The following KLHL2 variants were observed in gnomAD, a reference collection of about 807,000 sequenced individuals.
KLHL2 encodes the protein kelch like family member 2.
KLHL2 carries 15 observed loss-of-function variants against 75.8 expected under a neutral mutation model. That is an observed-to-expected ratio of 0.20 (90% CI 0.13 to 0.30). The LOEUF (loss-of-function observed/expected upper bound fraction) is 0.30, where lower values mean the gene tolerates loss of function less well. Among genes scored for constraint, KLHL2 ranks in the 10% least tolerant of loss-of-function variants. The pLI is 1.00. For missense variants in KLHL2, 381 were observed against 741.0 expected, an observed-to-expected ratio of 0.51 and a Z score of 5.64; for synonymous variants, 214 against 251.9, an observed-to-expected ratio of 0.85 and a Z score of 1.42.
intron 8 of KLHL2, among the ~76,000 whole-genome samples, chr4:165,303,505 C>T (rs1021334522): frequency 1.3e-5 from 2 of 149,532 alleles, no homozygotes; most frequent in East Asian, 1.9e-4. Flanking sequence ...CCCCCCCCGC[C>T]GTTTTTGGGT....
intron 4 of KLHL2, among the ~76,000 whole-genome samples, chr4:165,262,287 C>T (rs1385305772): frequency 6.6e-6 from 1 of 152,140 alleles, no homozygotes; most frequent in Non-Finnish European, 1.5e-5. Context: ...ATTACATTTT[C>T]CTTGTTAGCA....
intron 8 of KLHL2, among the ~76,000 whole-genome samples, chr4:165,301,257 G>T (rs1579159020): frequency 6.6e-6 from 1 of 152,202 alleles, no homozygotes; most frequent in East Asian, 1.9e-4. Context: ...CTTCTGCATG[G>T]TATTTTATTG....
At chr4:165,286,328 A>T (rs1199501699) in intron 5 of KLHL2, among the ~76,000 whole-genome samples, 1 of 152,194 alleles carries the variant, frequency 6.6e-6, no homozygotes, top group Non-Finnish European at 1.5e-5. Flanking sequence ...ACTAACAGAC[A>T]GCTAGAAATT....
chr4:165,262,555 A>T (rs543491613), intron 4 of KLHL2, among the ~76,000 whole-genome samples: 50 of 152,220 alleles, frequency 3.3e-4, no homozygotes, highest in African/African-American at 1.2e-3. Flanking sequence ...TAGCATCCTA[A>T]TAATTTACGG....
rs754972410 is a variant in KLHL2, at chr4:165,263,235, T to C, written c.420T>C (p.Asp140=). 2 of 1,614,072 alleles carry C rather than the reference T, an allele frequency of 1.2e-6. No homozygotes were observed. Among genetic ancestry groups the C allele is most frequent in the South Asian group, 2.2e-5 (2 of 91,088 alleles). ...LPAAGLLQLQ[D]VKKTCCEFLE... ...CAGCTGGTCTCTTACAGTTACAGGA[T>C]GTGAAGAAGACTTGTTGTGAATTTT... is the stretch of plus-strand genomic sequence containing the variant. The change falls in exon 5 of 15, where the codon GAT becomes GAC. Residue 140 remains aspartate (D), a synonymous_variant. Transcript: ENST00000226725.
At chr4:165,264,037 G>C (rs1741942831) in intron 5 of KLHL2, among the ~76,000 whole-genome samples, 1 of 151,900 alleles carries the variant, frequency 6.6e-6, no homozygotes, top group African/African-American at 2.4e-5. Flanking sequence ...CTGCTCTTCA[G>C]GCCCTTCAGA....
intron 2 of KLHL2, among the ~76,000 whole-genome samples, chr4:165,224,547 T>A (rs1738277877): frequency 6.6e-6 from 1 of 152,220 alleles, no homozygotes; most frequent in African/African-American, 2.4e-5. Context: ...ATTGTGTTTT[T>A]CCTCCAGGAT....
At chr4:165,311,002 C>T (rs1464858977) in intron 10 of KLHL2, among the ~76,000 whole-genome samples, 1 of 151,794 alleles carries the variant, frequency 6.6e-6, no homozygotes, top group Non-Finnish European at 1.5e-5. Flanking sequence ...CTATAGGTGC[C>T]CGCCACCACG....
chr4:165,233,255 G>A (rs967144014), intron 3 of KLHL2, among the ~76,000 whole-genome samples: 23 of 152,306 alleles, frequency 1.5e-4, no homozygotes, highest in Admixed American at 1.1e-3. Flanking sequence ...TTAGAGCAAG[G>A]CCAAGTTGTT....
intron 5 of KLHL2, among the ~76,000 whole-genome samples, chr4:165,282,635 A>G (rs1178909049): frequency 6.6e-6 from 1 of 152,018 alleles, no homozygotes; most frequent in Non-Finnish European, 1.5e-5. Context: ...GTTGAAGGAC[A>G]TAGGACTGTA....
At position 165,278,486 on chromosome 4, in the gene KLHL2, G is replaced by A. The variant is rs140782973; in HGVS notation, c.544+15127G>A. 5.2e-4 allele frequency: 824 copies of A among 1,592,338 alleles called. 6 individuals are homozygous for A. The African/African-American group carries it at 9.9e-3, about 19-fold the overall frequency. ...AGCAAAAGCAATATGGCATTTATTCGTGAATTGAGTGAGTCCACAGATTAT... is the reference window on the plus strand; with the variant it reads ...AGCAAAAGCAATATGGCATTTATTCATGAATTGAGTGAGTCCACAGATTAT... On this transcript the variant is annotated intron_variant, in intron 5 of 14. Coordinates refer to ENST00000226725, the MANE Select transcript of KLHL2 (RefSeq NM_007246.4).
intron 2 of KLHL2, among the ~76,000 whole-genome samples, chr4:165,224,952 A>G (rs534372043): frequency 6.6e-6 from 1 of 152,212 alleles, no homozygotes; most frequent in Non-Finnish European, 1.5e-5. Context: ...GAAGATAGAC[A>G]CCGTGCATTT....
chr4:165,273,345 A>G (rs990538174), intron 5 of KLHL2, among the ~76,000 whole-genome samples: 1 of 152,234 alleles, frequency 6.6e-6, no homozygotes, highest in Non-Finnish European at 1.5e-5. Context: ...TACAAAGACC[A>G]TGCTTGTATA....
Position 165,317,912 on chromosome 4 carries a change from A to G in KLHL2, c.1696A>G (p.Thr566Ala), listed in dbSNP as rs1297839445. ...GGCGTCAGTAGAATATTATAACCCA[A>G]CAACCGATAAATGGACAGTTGTGTC... ...NLASVEYYNPTTDKWTVVSSC... is the reference protein window; with the variant it reads ...NLASVEYYNPATDKWTVVSSC... The change falls in exon 14 of 15, where the codon ACA (threonine) becomes GCA (alanine). Residue 566 changes from threonine (T) to alanine (A), a missense_variant. Thr to Ala is a moderately conservative substitution (Grantham distance 58). Coordinates refer to ENST00000226725, the MANE Select transcript of KLHL2 (RefSeq NM_007246.4). 1 of 1,613,902 alleles carries G rather than the reference A, an allele frequency of 6.2e-7. No individual in the cohort carries two copies. The highest frequency in any genetic ancestry group is 1.3e-5 in the African/African-American group (1 of 74,928).
chr4:165,307,405 A>G (rs368683414), intron 9 of KLHL2, among the ~76,000 whole-genome samples: 20 of 152,372 alleles, frequency 1.3e-4, no homozygotes, highest in African/African-American at 4.3e-4. Context: ...ATTCTGGTAT[A>G]TTCTTTCCCC....
intron 5 of KLHL2, among the ~76,000 whole-genome samples, chr4:165,285,393 T>C (rs1744011399): frequency 6.6e-6 from 1 of 152,166 alleles, no homozygotes; most frequent in Non-Finnish European, 1.5e-5. Context: ...TTAGATCTTT[T>C]TCATAACAGT....
intron 14 of KLHL2, among the ~76,000 whole-genome samples, chr4:165,320,667 T>G (rs1422108712): frequency 1.3e-5 from 2 of 152,216 alleles, no homozygotes. Context: ...ATTACACCAT[T>G]GAATATATCA....
chr4:165,216,895 T>C (rs1462186261), intron 1 of KLHL2, among the ~76,000 whole-genome samples: 1 of 152,146 alleles, frequency 6.6e-6, no homozygotes, highest in Non-Finnish European at 1.5e-5. Flanking sequence ...CTTTGCAGGG[T>C]TTCTGTAGTA....
chr4:165,299,644 G>T lies in KLHL2; in HGVS notation c.909G>T (p.Met303Ile), dbSNP rs1745197924. Residue 303 changes from methionine to isoleucine, a missense_variant, in exon 8 of 15, where the codon ATG becomes ATT. Met to Ile is a conservative substitution (Grantham distance 10). Around this residue, in one of 5 missense-constraint regions of KLHL2, gnomAD observed 168 missense variants for 370.4 expected, o/e 0.45. Transcript: ENST00000226725. Reference protein sequence around the residue: ...KSVRTRLRTPMNLPKLMVVVG... With the variant: ...KSVRTRLRTPINLPKLMVVVG... Reference sequence around the variant, plus strand: ...TCCGGACCCGGCTGAGGACACCCATGAACCTTCCCAAAGTAGGATCTGTTT... The same window carrying T: ...TCCGGACCCGGCTGAGGACACCCATTAACCTTCCCAAAGTAGGATCTGTTT... The T allele has an allele frequency of 6.2e-7, 1 of 1,605,366 alleles. No individual in the cohort carries two copies. The highest frequency in any genetic ancestry group is 1.3e-5 in the African/African-American group (1 of 74,540).
Sources: gnomAD v4.1 joint callset for allele counts (sites outside exome capture counted in the v4.1 genomes callset) on GRCh38, gnomAD v4.1.1 for gene constraint, gnomAD v4.1.1 regional missense constraint, MANE v1.5 for transcripts, NCBI Gene and HGNC (gene_info 2026-07-23, HGNC 2026-07-21) for gene names.